ZNF823: variants seen among roughly 807,000 people sequenced by gnomAD.
ZNF823 encodes the protein ZFP 36 for a zinc finger protein.
In ZNF823, 5 loss-of-function variants were observed where a neutral mutation model predicts 11.4. That is an observed-to-expected ratio of 0.44 (90% CI 0.23 to 0.92). The LOEUF is 0.92. ZNF823 is among the 40% of genes least tolerant of loss of function. ZNF823 has a pLI of 0.24. For missense variants in ZNF823, 582 were observed against 738.5 expected (o/e 0.79, Z 2.46); for synonymous variants, 234 against 250.5 (o/e 0.93, Z 0.62).
In ZNF823 at chr19:11,732,495, T is replaced by G. The variant is rs576905598; in HGVS notation, c.3+6322A>C. ...TTTGTATTTTTAGTAGAAACGGGGT[T>G]TCACCGTGTTAGCCAGGATGGTCTC... is the stretch of plus-strand genomic sequence containing the variant. On this transcript the variant is annotated intron_variant, in intron 1 of 3. Transcript: ENST00000341191. Among the ~76,000 whole-genome samples, 12 of 148,204 alleles carry G rather than the reference T, an allele frequency of 8.1e-5. No homozygotes were observed. In the East Asian group the frequency reaches 2.4e-3, roughly 30 times the overall value.
intron 1 of ZNF823, among the ~76,000 whole-genome samples, chr19:11,727,790 G>A (rs1364972749): frequency 6.6e-6 from 1 of 152,298 alleles, no homozygotes; most frequent in African/African-American, 2.4e-5. Context: ...TGGATCCCTA[G>A]AGACAGCAGA....
chr19:11,728,168 C>T (rs1177411097), intron 1 of ZNF823, among the ~76,000 whole-genome samples: 1 of 152,142 alleles, frequency 6.6e-6, no homozygotes, highest in Non-Finnish European at 1.5e-5. Context: ...TGAGCCACAG[C>T]GCCCGGCCAA....
intron 1 of ZNF823, among the ~76,000 whole-genome samples, chr19:11,734,792 G>A (rs1974963180): frequency 6.6e-6 from 1 of 152,124 alleles, no homozygotes; most frequent in Admixed American, 6.5e-5. Context: ...ACCTGCCTCA[G>A]CCTCCCAAAG....
intron 1 of ZNF823, among the ~76,000 whole-genome samples, chr19:11,728,297 G>A (rs1483418094): frequency 6.6e-6 from 1 of 152,254 alleles, no homozygotes; most frequent in African/African-American, 2.4e-5. Context: ...AACAGATTAC[G>A]GTTAAGACGA....
At chr19:11,736,133 T>C (rs1974988826) in intron 1 of ZNF823, among the ~76,000 whole-genome samples, 1 of 152,218 alleles carries the variant, frequency 6.6e-6, no homozygotes, top group African/African-American at 2.4e-5. Context: ...CAAAAATGTA[T>C]TCATTTTTCT....
At chr19:11,732,752 C>T (rs999797308) in intron 1 of ZNF823, among the ~76,000 whole-genome samples, 1 of 152,206 alleles carries the variant, frequency 6.6e-6, no homozygotes, top group Admixed American at 6.5e-5. Context: ...CTCTTGACAC[C>T]ACCTTCCTAG....
At chr19:11,728,173 G>A (rs1476162219) in intron 1 of ZNF823, among the ~76,000 whole-genome samples, 3 of 152,066 alleles carry the variant, frequency 2.0e-5, no homozygotes, top group Non-Finnish European at 4.4e-5. Context: ...CACAGCGCCC[G>A]GCCAAGACTC....
chr19:11,736,249 G>A (rs10422764), intron 1 of ZNF823, among the ~76,000 whole-genome samples: 31 of 152,186 alleles, frequency 2.0e-4, no homozygotes, highest in African/African-American at 7.2e-4. Context: ...GGGCACGGTG[G>A]CTCTCTCCTA....
At chr19:11,727,078 T>G (rs35775872) in intron 1 of ZNF823, among the ~76,000 whole-genome samples, 12,998 of 152,248 alleles carry the variant, frequency 0.085, 681 homozygotes, top group Middle Eastern at 0.13. Flanking sequence ...AGGGAAAGAT[T>G]GCACATGTTC....
chr19:11,735,281 C>CAAACAAAAA (rs1974973442), intron 1 of ZNF823, among the ~76,000 whole-genome samples: 3 of 99,360 alleles, frequency 3.0e-5, no homozygotes, highest in East Asian at 3.6e-4. Context: ...TTTCAAAAAA[C>CAAACAAAAA]AAAAAAAAAA....
At chr19:11,730,911 C>G (rs911799816) in intron 1 of ZNF823, 1 of 150,120 alleles carries the variant, frequency 6.7e-6, no homozygotes, top group Admixed American at 6.7e-5. Context: ...TGAAACAATT[C>G]AAGTCCTATG....
intron 2 of ZNF823, 133 bp downstream of exon 2, chr19:11,725,068 C>T: frequency 8.5e-7 from 1 of 1,177,350 alleles, no homozygotes; most frequent in Non-Finnish European, 1.2e-6. Flanking sequence ...GTTTGAGGGG[C>T]TGACACCTCT....
Position 11,722,491 on chromosome 19 carries a change from C to G in ZNF823, c.1043G>C (p.Arg348Pro). The G allele has an allele frequency of 6.2e-7, 1 of 1,613,938 alleles. No individual in the cohort carries two copies. Among genetic ancestry groups the G allele is most frequent in the Non-Finnish European group, 8.5e-7 (1 of 1,179,982 alleles). Residue 348 changes from arginine to proline, a missense_variant, in exon 4 of 4, where the codon CGA becomes CCA. Physicochemically the swap from Arg to Pro is moderately radical, Grantham distance 103. This residue lies in a region of ZNF823 where 429 missense variants were observed against 553.7 expected (regional missense o/e 0.77). Transcript: ENST00000341191. The surrounding 1 kb of genome is among the most constrained non-coding windows in gnomAD (Gnocchi z 5.2). ...GKGFDCPSSV[R>P]NHETTHTGEK... Reference sequence around the variant, plus strand: ...TCCAGTGTGAGTAGTTTCATGATTTCGAACTGAACTAGGACAATCAAAGCC... The same window carrying G: ...TCCAGTGTGAGTAGTTTCATGATTTGGAACTGAACTAGGACAATCAAAGCC...
At chr19:11,730,508 G>A (rs911852053) in intron 1 of ZNF823, 1 of 152,104 alleles carries the variant, frequency 6.6e-6, no homozygotes, top group African/African-American at 2.4e-5. Context: ...CCAGGAATCT[G>A]AGGCTGTGGT....
At chr19:11,727,969 T>C (rs286267) in intron 1 of ZNF823, among the ~76,000 whole-genome samples, 151,176 of 151,252 alleles carry the variant, frequency 1, 75,550 homozygotes, top group Middle Eastern at 1. Flanking sequence ...CTCCGCCTCC[T>C]GGGTTCACGC....
chr19:11,732,846 C>G (rs1026351289), intron 1 of ZNF823, among the ~76,000 whole-genome samples: 2 of 152,190 alleles, frequency 1.3e-5, no homozygotes, highest in African/African-American at 4.8e-5. Context: ...TAGCCTCCCT[C>G]CCTTTCCTGG....
At chr19:11,726,429 C>T (rs1208456312) in intron 1 of ZNF823, among the ~76,000 whole-genome samples, 2 of 151,782 alleles carry the variant, frequency 1.3e-5, no homozygotes, top group African/African-American at 2.4e-5. Flanking sequence ...CTCTCCAAAA[C>T]TCATGCTGAA....
At chr19:11,732,465 A>AT (rs1166167987) in intron 1 of ZNF823, among the ~76,000 whole-genome samples, 21 of 150,950 alleles carry the variant, frequency 1.4e-4, no homozygotes, top group African/African-American at 2.0e-4. Flanking sequence ...GCGCCCGGCC[A>AT]TTTTTTTGTA....
chr19:11,733,611 ATTGT>A (rs1258445503), intron 1 of ZNF823, among the ~76,000 whole-genome samples: 2 of 152,076 alleles, frequency 1.3e-5, no homozygotes, highest in Admixed American at 6.6e-5. Context: ...AGGCAAAAAG[ATTGT>A]TTGAGCCCAG....
Sources: gnomAD v4.1 joint callset for allele counts (sites outside exome capture counted in the v4.1 genomes callset) on GRCh38, gnomAD v4.1.1 for gene constraint, gnomAD v4.1.1 regional missense constraint, Gnocchi (gnomAD v3.1) non-coding constraint, MANE v1.5 for transcripts, NCBI Gene and HGNC (gene_info 2026-07-23, HGNC 2026-07-21) for gene names.